The following PXDNL variants were observed in gnomAD, a reference collection of about 807,000 sequenced individuals.
PXDNL encodes the protein peroxidasin like, also known as probable oxidoreductase PXDNL.
A neutral mutation model predicts 150.8 loss-of-function variants in PXDNL; 145 were observed. The observed-to-expected ratio is 0.96, with a 90% CI of 0.84 to 1.10. PXDNL has a LOEUF of 1.10. Ranked by LOEUF, PXDNL falls within the 50% of genes least tolerant of loss-of-function variation. The pLI, the probability that PXDNL is intolerant of heterozygous loss-of-function variation, is 0.00. For synonymous variants in PXDNL, 757 were observed against 725.7 expected, an observed-to-expected ratio of 1.04 and a Z score of -0.69; for missense variants, 2,087 against 1,873.9, an observed-to-expected ratio of 1.11 and a Z score of -2.10.
chr8:51,373,110 T>C (rs1057093556), intron 18 of PXDNL, among the ~76,000 whole-genome samples: 1 of 152,172 alleles, frequency 6.6e-6, no homozygotes, highest in African/African-American at 2.4e-5. Flanking sequence ...GGTGACTCTA[T>C]TTGGAGACAG....
At chr8:51,689,627 G>T (rs193045416) in intron 1 of PXDNL, among the ~76,000 whole-genome samples, 1 of 151,598 alleles carries the variant, frequency 6.6e-6, no homozygotes, top group African/African-American at 2.4e-5. Context: ...ACCCCAGTGC[G>T]CCCTATGCTG....
intron 13 of PXDNL, among the ~76,000 whole-genome samples, chr8:51,424,759 T>G (rs1809047615): frequency 6.6e-6 from 1 of 152,212 alleles, no homozygotes; most frequent in Admixed American, 6.5e-5. Context: ...GGATGGGAGA[T>G]ATTTTTTCAA....
chr8:51,675,771 C>A lies in PXDNL; in HGVS notation c.165-21011G>T, dbSNP rs948300619. Among the ~76,000 whole-genome samples the A allele has an allele frequency of 4.1e-5, 5 of 122,188 alleles. No homozygotes were observed. The South Asian group carries it at 8.2e-4, about 20-fold the overall frequency. The allele number at this position is 122,188 out of a possible 152,430, so 80.2% of individuals were successfully genotyped here. On this transcript the variant is annotated intron_variant, in intron 1 of 22. Coordinates refer to ENST00000356297, the MANE Select transcript of PXDNL (RefSeq NM_144651.5). ...TCACACCACTGCACTCCAGCCTGGG[C>A]GACACAGCAAGGCTCCGTCTCAAAA...
intron 1 of PXDNL, among the ~76,000 whole-genome samples, chr8:51,709,367 G>A (rs1000943494): frequency 2.0e-5 from 3 of 151,696 alleles, no homozygotes; most frequent in African/African-American, 7.3e-5. Flanking sequence ...CCATTCTCCC[G>A]CCTCAGCCTC....
At chr8:51,728,586 G>GA (rs1167537906) in intron 1 of PXDNL, among the ~76,000 whole-genome samples, 4 of 149,414 alleles carry the variant, frequency 2.7e-5, no homozygotes, top group East Asian at 3.9e-4. Flanking sequence ...AGTATTAAAT[G>GA]AAAAAAAAAT....
At chr8:51,351,308 G>A (rs1806342765) in intron 19 of PXDNL, among the ~76,000 whole-genome samples, 1 of 152,190 alleles carries the variant, frequency 6.6e-6, no homozygotes, top group African/African-American at 2.4e-5. Context: ...CCACACTGGA[G>A]TAGATGGGCC....
At chr8:51,624,099 CAAAAAAAAAAAAA>C (rs59841822) in intron 2 of PXDNL, among the ~76,000 whole-genome samples, 2,536 of 79,672 alleles carry the variant, frequency 0.032, 96 homozygotes, top group African/African-American at 0.11. Flanking sequence ...TCTCAAATTA[CAAAAAAAAAAAAA>C]AAAAAAAAAA....
At chr8:51,389,450 TAG>T (rs1334217986) in intron 17 of PXDNL, among the ~76,000 whole-genome samples, 1 of 152,196 alleles carries the variant, frequency 6.6e-6, no homozygotes, top group Non-Finnish European at 1.5e-5. Flanking sequence ...AGGCATTTTC[TAG>T]TTCCCTTCAT....
Position 51,744,052 on chromosome 8 carries a change from AGG to A in PXDNL, c.164+65127_164+65128del, listed in dbSNP as rs1262158436. ...AGGGAAGGAAGGAAGGAAGGAAGGA[AGG>A]AAGGAAGGAAGGAAGGAAGGAAGGA... is the stretch of plus-strand genomic sequence containing the variant. On this transcript the variant is annotated intron_variant, in intron 1 of 22. Coordinates refer to ENST00000356297, the MANE Select transcript of PXDNL (RefSeq NM_144651.5). Among the ~76,000 whole-genome samples, 367 of 51,410 alleles carry A rather than the reference AGG, an allele frequency of 7.1e-3. 2 individuals are homozygous for A. The highest frequency in any genetic ancestry group is 0.012 in the Non-Finnish European group (264 of 21,826). The allele number at this position is 51,410 out of a possible 152,430, so 33.7% of individuals were successfully genotyped here. A position where few individuals can be genotyped will look rare whatever the true frequency, so the allele number is the denominator to read the frequency against.
intron 14 of PXDNL, 143 bp from the exon 15 acceptor site, chr8:51,413,401 C>T (rs540257977): frequency 3.4e-6 from 2 of 596,940 alleles, no homozygotes; most frequent in South Asian, 2.1e-5. Flanking sequence ...ACAATATCTA[C>T]ATGATAATGC....
At chr8:51,651,762 T>G (rs1166118728) in intron 2 of PXDNL, among the ~76,000 whole-genome samples, 2 of 152,186 alleles carry the variant, frequency 1.3e-5, no homozygotes, top group African/African-American at 4.8e-5. Flanking sequence ...TTGTCCAGAA[T>G]TGAATTTGAG....
intron 15 of PXDNL, 99 bp from the exon 16 acceptor site, chr8:51,411,506 C>A (rs191135892): frequency 1.8e-6 from 2 of 1,126,260 alleles, no homozygotes; most frequent in East Asian, 6.3e-5. Flanking sequence ...CCCAAACATT[C>A]GAGAAGAATG....
chr8:51,766,297 T>A (rs1274815319), intron 1 of PXDNL, among the ~76,000 whole-genome samples: 1 of 152,202 alleles, frequency 6.6e-6, no homozygotes, highest in South Asian at 2.1e-4. Context: ...TCATGCAAAT[T>A]TCACCTCTGT....
intron 3 of PXDNL, among the ~76,000 whole-genome samples, chr8:51,560,751 C>A (rs1812700417): frequency 6.6e-6 from 1 of 151,722 alleles, no homozygotes; most frequent in Non-Finnish European, 1.5e-5. Context: ...ACACCAAAAG[C>A]AAAGGCAACA....
At chr8:51,755,305 T>A (rs956604796) in intron 1 of PXDNL, among the ~76,000 whole-genome samples, 2 of 152,122 alleles carry the variant, frequency 1.3e-5, no homozygotes, top group Non-Finnish European at 2.9e-5. Flanking sequence ...TTTGTTTTTT[T>A]TTTTTTGAGA....
At chr8:51,683,445 G>C (rs1815802705) in intron 1 of PXDNL, among the ~76,000 whole-genome samples, 1 of 151,660 alleles carries the variant, frequency 6.6e-6, no homozygotes, top group Non-Finnish European at 1.5e-5. Flanking sequence ...CTGAGTTATA[G>C]AATCTCCTTA....
chr8:51,357,930 T>C (rs907505327), intron 19 of PXDNL, among the ~76,000 whole-genome samples: 1 of 152,128 alleles, frequency 6.6e-6, no homozygotes, highest in African/African-American at 2.4e-5. Context: ...AACTGATAAG[T>C]AAAATCAGAA....
intron 2 of PXDNL, among the ~76,000 whole-genome samples, chr8:51,624,333 C>T (rs183801067): frequency 3.0e-4 from 45 of 152,150 alleles, no homozygotes; most frequent in Admixed American, 9.8e-4. Context: ...GGAGAAAATA[C>T]AACAGTAAGT....
At chr8:51,514,184 C>A (rs1325227099) in intron 4 of PXDNL, among the ~76,000 whole-genome samples, 1 of 151,964 alleles carries the variant, frequency 6.6e-6, no homozygotes, top group Non-Finnish European at 1.5e-5. Flanking sequence ...TCAGCTGGAG[C>A]CATGAGAAAT....
Sources: allele counts gnomAD v4.1 joint callset (sites outside exome capture counted in the v4.1 genomes callset), GRCh38; gene constraint gnomAD v4.1.1; transcripts MANE v1.5; gene names NCBI Gene and HGNC (gene_info 2026-07-23, HGNC 2026-07-21).